Variants in FMN1 observed in about 807,000 individuals in gnomAD.
The protein encoded by FMN1 is formin-1.
A neutral mutation model predicts 132.4 loss-of-function variants in FMN1; 110 were observed. That is an observed-to-expected ratio of 0.83 (90% CI 0.71 to 0.97). The LOEUF is 0.97. Among genes scored for constraint, FMN1 ranks in the 50% least tolerant of loss-of-function variants. The pLI is 0.00. For missense variants in FMN1, 1,792 were observed against 1,705.3 expected (o/e 1.05, Z -0.90); for synonymous variants, 722 against 651.7 (o/e 1.11, Z -1.64).
intron 9 of FMN1, among the ~76,000 whole-genome samples, chr15:32,945,344 T>C (rs905513391): frequency 7.2e-5 from 11 of 152,172 alleles, no homozygotes; most frequent in African/African-American, 2.2e-4. Context: ...TTAGGAAGTA[T>C]TGGAAGTAAC....
At chr15:32,877,405 A>G (rs1235892092) in intron 16 of FMN1, among the ~76,000 whole-genome samples, 2 of 152,160 alleles carry the variant, frequency 1.3e-5, no homozygotes, top group Non-Finnish European at 2.9e-5. Flanking sequence ...AGCCTGATAT[A>G]ATTTGAAAGT....
At chr15:32,994,326 A>G (rs546088497) in intron 7 of FMN1, among the ~76,000 whole-genome samples, 2 of 151,962 alleles carry the variant, frequency 1.3e-5, no homozygotes, top group South Asian at 4.3e-4. Context: ...AAAAAGGTTG[A>G]AAAAATCCTA....
chr15:33,121,382 T>C (rs911280589), intron 4 of FMN1, among the ~76,000 whole-genome samples: 2 of 152,230 alleles, frequency 1.3e-5, no homozygotes, highest in African/African-American at 4.8e-5. Flanking sequence ...TTTACAATGT[T>C]CTGGACTGTC....
At chr15:32,803,047 T>C (rs2057532839) in intron 18 of FMN1, among the ~76,000 whole-genome samples, 1 of 152,216 alleles carries the variant, frequency 6.6e-6, no homozygotes, top group South Asian at 2.1e-4. Flanking sequence ...CAGGGCAAGA[T>C]GTTGGCACCT....
At chr15:32,947,384 T>G (rs2061532855) in intron 9 of FMN1, among the ~76,000 whole-genome samples, 1 of 152,090 alleles carries the variant, frequency 6.6e-6, no homozygotes, top group African/African-American at 2.4e-5. Flanking sequence ...TTTATTTAGT[T>G]TTTCCTGTGA....
At position 32,969,166 on chromosome 15, in the gene FMN1, A is replaced by T. The variant is rs1288130219; in HGVS notation, c.2535T>A (p.Asn845Lys). ...GTGCTGCATGGATGTCTTTGTGGTCATTTGGGGGTGAGAGCTGGCTTAAAG... is the reference window on the plus strand; with the variant it reads ...GTGCTGCATGGATGTCTTTGTGGTCTTTTGGGGGTGAGAGCTGGCTTAAAG... ...ISSLSQLSPP[N>K]DHKDIHAALQ... Residue 845 changes from asparagine to lysine, a missense_variant, in exon 8 of 21, where the codon AAT (asparagine) becomes AAA (lysine). Around this residue, in one of 3 missense-constraint regions of FMN1, gnomAD observed 1,150 missense variants for 1,043.1 expected, o/e 1.10. Transcript: ENST00000616417. 5.0e-6 allele frequency: 8 copies of T among 1,613,698 alleles called. No individual in the cohort carries two copies. The highest frequency in any genetic ancestry group is 1.7e-5 in the Admixed American group (1 of 59,988).
chr15:32,950,081 T>A lies in FMN1; in HGVS notation c.3138+14026A>T, dbSNP rs1036269096. 1.2e-3 allele frequency among the ~76,000 whole-genome samples: 103 copies of A among 83,292 alleles called. 3 individuals are homozygous for A. The highest frequency in any genetic ancestry group is 1.4e-3 in the Non-Finnish European group (51 of 37,222). 54.6% of individuals were successfully genotyped at this position (83,292 alleles called of 152,430 possible). On this transcript the variant is annotated intron_variant, in intron 9 of 20. Transcript: ENST00000616417. Reference sequence around the variant, plus strand: ...TATATATATATATATATATATATATTAAAAAGCTCAACTTCACTGGCCATT... The same window carrying A: ...TATATATATATATATATATATATATAAAAAAGCTCAACTTCACTGGCCATT...
chr15:32,915,507 C>G (rs2060663255), intron 10 of FMN1, among the ~76,000 whole-genome samples: 1 of 152,248 alleles, frequency 6.6e-6, no homozygotes, highest in Admixed American at 6.5e-5. Context: ...CCATTTTATA[C>G]TTTGAAAACA....
At chr15:33,048,644 A>AAAAAAAAAAAAAAAAC in intron 6 of FMN1, among the ~76,000 whole-genome samples, 2 of 86,950 alleles carry the variant, frequency 2.3e-5, no homozygotes, top group East Asian at 2.7e-4. Flanking sequence ...AAAAAAAAAA[A>AAAAAAAAAAAAAAAAC]AAAAACCAAC....
chr15:32,957,911 T>C (rs2030002407), intron 9 of FMN1, among the ~76,000 whole-genome samples: 1 of 152,166 alleles, frequency 6.6e-6, no homozygotes, highest in African/African-American at 2.4e-5. Context: ...TGAGCTCTGG[T>C]TCTTAATTTG....
intron 9 of FMN1, among the ~76,000 whole-genome samples, chr15:32,937,607 T>C (rs1036935945): frequency 1.3e-5 from 2 of 152,164 alleles, no homozygotes; most frequent in African/African-American, 2.4e-5. Context: ...ATGTCATCCA[T>C]GGATAGAGAG....
At chr15:32,888,509 G>A (rs1190881378) in intron 15 of FMN1, among the ~76,000 whole-genome samples, 2 of 152,274 alleles carry the variant, frequency 1.3e-5, no homozygotes, top group African/African-American at 2.4e-5. Context: ...CAATGAGGTC[G>A]GCTATGGCAT....
intron 4 of FMN1, among the ~76,000 whole-genome samples, chr15:33,128,524 G>C (rs994785655): frequency 2.0e-5 from 3 of 152,224 alleles, no homozygotes; most frequent in Admixed American, 6.5e-5. Flanking sequence ...GAATGAAACA[G>C]CGTGATATGT....
At chr15:33,100,081 C>CTG (rs2039236964) in intron 4 of FMN1, among the ~76,000 whole-genome samples, 1 of 152,110 alleles carries the variant, frequency 6.6e-6, no homozygotes, top group Admixed American at 6.5e-5. Flanking sequence ...TTCCACTCAA[C>CTG]AGGAAGCTGA....
At chr15:33,123,393 T>C (rs2140184472) in intron 4 of FMN1, among the ~76,000 whole-genome samples, 1 of 152,258 alleles carries the variant, frequency 6.6e-6, no homozygotes, top group Admixed American at 6.5e-5. Context: ...CTATATAGTA[T>C]ACAGACTTGG....
At position 33,154,698 on chromosome 15, in the gene FMN1, T is replaced by G; in HGVS notation, c.217A>C (p.Ile73Leu). ...SQEPDEHPGD[I>L]FFKQTPTKDI... Reference sequence around the variant, plus strand: ...TTCGTGGGAGTCTGCTTGAAAAATATGTCGCCTGGATGTTCGTCCGGCTCC... The same window carrying G: ...TTCGTGGGAGTCTGCTTGAAAAATAGGTCGCCTGGATGTTCGTCCGGCTCC... Residue 73 changes from isoleucine (I) to leucine (L), a missense_variant, in exon 4 of 21, where the codon ATA becomes CTA. Around this residue, in one of 3 missense-constraint regions of FMN1, gnomAD observed 638 missense variants for 645.2 expected, o/e 0.99. Transcript: ENST00000616417. The G allele has an allele frequency of 6.5e-7, 1 of 1,536,150 alleles. No individual in the cohort carries two copies. Among genetic ancestry groups the G allele is most frequent in the Non-Finnish European group, 8.7e-7 (1 of 1,146,924 alleles).
chr15:32,815,306 C>G (rs912469533), intron 17 of FMN1, among the ~76,000 whole-genome samples: 2 of 152,024 alleles, frequency 1.3e-5, no homozygotes, highest in Non-Finnish European at 2.9e-5. Context: ...ATTTTTTTAA[C>G]CTCATAGCAT....
intron 19 of FMN1, among the ~76,000 whole-genome samples, chr15:32,779,215 T>C (rs1422669769): frequency 2.0e-5 from 3 of 152,190 alleles, no homozygotes; most frequent in Admixed American, 1.3e-4. Flanking sequence ...ATAGAGGTAA[T>C]GGTTGTAGAC....
At chr15:33,109,039 C>A (rs997523619) in intron 4 of FMN1, among the ~76,000 whole-genome samples, 1 of 152,068 alleles carries the variant, frequency 6.6e-6, no homozygotes, top group East Asian at 1.9e-4. Context: ...ACTAAACAAC[C>A]TAGCAAACTT....
Sources: gnomAD v4.1 joint callset for allele counts (sites outside exome capture counted in the v4.1 genomes callset) on GRCh38, gnomAD v4.1.1 for gene constraint, gnomAD v4.1.1 regional missense constraint, MANE v1.5 for transcripts, NCBI Gene and HGNC (gene_info 2026-07-23, HGNC 2026-07-21) for gene names.